Variants in CLCA1 observed in about 807,000 individuals in gnomAD.
CLCA1 encodes chloride channel accessory 1.
CLCA1 carries 59 observed loss-of-function variants against 85.6 expected under a neutral mutation model. That is an observed-to-expected ratio of 0.69 (90% CI 0.56 to 0.86). CLCA1 has a LOEUF of 0.86. Among genes scored for constraint, CLCA1 ranks in the 40% least tolerant of loss-of-function variants. The pLI is 0.00. For synonymous variants in CLCA1, 396 were observed against 398.3 expected (o/e 0.99, Z 0.07); for missense variants, 1,022 against 1,101.4 (o/e 0.93, Z 1.02).
At position 86,476,542 on chromosome 1, in the gene CLCA1, A is replaced by C. The variant is rs142663356; in HGVS notation, c.546A>C (p.Ile182=). The C allele has an allele frequency of 6.7e-4, 1,010 of 1,506,392 alleles. 3 individuals are homozygous for C. The African/African-American group carries it at 0.012, about 19-fold the overall frequency. 93.3% of individuals were successfully genotyped at this position (1,506,392 alleles called of 1,614,324 possible). A position where few individuals can be genotyped will look rare whatever the true frequency, so the allele number is the denominator to read the frequency against. ...AATTCTACTTATCCAATGGAAGAAT[A>C]CAAGCAGTAAGGTATGTATATTTTG... is the stretch of plus-strand genomic sequence containing the variant. ...DEKFYLSNGR[I]QAVRCSAGIT... The change falls in exon 4 of 14, where the codon ATA becomes ATC. Residue 182 remains isoleucine, a synonymous_variant. Transcript: ENST00000394711.
intron 3 of CLCA1, among the ~76,000 whole-genome samples, chr1:86,474,096 G>T (rs1034432606): frequency 7.2e-5 from 11 of 151,978 alleles, no homozygotes; most frequent in African/African-American, 2.7e-4. Flanking sequence ...GTATAAATAC[G>T]GTATTTTGAA....
At position 86,485,363 on chromosome 1, in the gene CLCA1, A is replaced by G. The variant is rs1647933905; in HGVS notation, c.756A>G (p.Glu252=). Residue 252 remains glutamate, a synonymous_variant, in exon 6 of 14, where the codon GAA becomes GAG. Coordinates refer to ENST00000394711, the MANE Select transcript of CLCA1 (RefSeq NM_001285.4). ...TTCAGATAGTTGAATTCTGTACAGAACAAAACCACAACAAAGAAGCTCCAA... is the reference window on the plus strand; with the variant it reads ...TTCAGATAGTTGAATTCTGTACAGAGCAAAACCACAACAAAGAAGCTCCAA... ...HVDSIVEFCT[E]QNHNKEAPNK... The G allele has an allele frequency of 6.2e-7, 1 of 1,613,788 alleles. No homozygotes were observed. The highest frequency in any genetic ancestry group is 1.7e-5 in the Admixed American group (1 of 60,000).
At chr1:86,475,693 A>AC (rs1647620515) in intron 3 of CLCA1, among the ~76,000 whole-genome samples, 1 of 152,240 alleles carries the variant, frequency 6.6e-6, no homozygotes, top group East Asian at 1.9e-4. Context: ...GGAAGGAAGT[A>AC]TTCCAAGCTA....
intron 8 of CLCA1, 70 bp downstream of exon 8, chr1:86,489,240 G>A: frequency 1.4e-6 from 2 of 1,446,474 alleles, no homozygotes; most frequent in South Asian, 1.3e-5. Flanking sequence ...GTGAACTGGG[G>A]AGTGGGGGAA....
chr1:86,478,150 C>T (rs888136521), intron 4 of CLCA1, among the ~76,000 whole-genome samples: 1 of 152,016 alleles, frequency 6.6e-6, no homozygotes, highest in Non-Finnish European at 1.5e-5. Flanking sequence ...TCAAGTGGGC[C>T]GGGCATGGTG....
At chr1:86,470,266 G>C (rs529892948) in intron 1 of CLCA1, among the ~76,000 whole-genome samples, 9 of 152,318 alleles carry the variant, frequency 5.9e-5, no homozygotes, top group Middle Eastern at 6.8e-3. Flanking sequence ...ACAGAGTGGA[G>C]GGTGTCACTC....
At chr1:86,474,567 G>C (rs78690757) in intron 3 of CLCA1, among the ~76,000 whole-genome samples, 5 of 84,810 alleles carry the variant, frequency 5.9e-5, no homozygotes, top group Non-Finnish European at 1.3e-4. Flanking sequence ...AAAAAAAAAA[G>C]GGGGGGGATT....
chr1:86,486,395 G>A, intron 6 of CLCA1, 131 bp from the exon 7 acceptor site: 1 of 731,024 alleles, frequency 1.4e-6, no homozygotes, highest in Non-Finnish European at 2.2e-6. Flanking sequence ...TTCCCCATAG[G>A]ATATGCCTCA....
At chr1:86,478,452 A>T (rs1647735211) in intron 4 of CLCA1, among the ~76,000 whole-genome samples, 1 of 151,814 alleles carries the variant, frequency 6.6e-6, no homozygotes, top group African/African-American at 2.4e-5. Context: ...AGAGAGAGAG[A>T]GACATCAAGT....
intron 7 of CLCA1, among the ~76,000 whole-genome samples, chr1:86,487,503 T>G (rs565845498): frequency 6.6e-6 from 1 of 152,310 alleles, no homozygotes; most frequent in African/African-American, 2.4e-5. Context: ...GAAGCTCATG[T>G]GGCTTCAGGG....
At chr1:86,489,870 G>A (rs1404566762) in intron 8 of CLCA1, among the ~76,000 whole-genome samples, 1 of 152,330 alleles carries the variant, frequency 6.6e-6, no homozygotes, top group East Asian at 1.9e-4. Flanking sequence ...AAATGCCAGA[G>A]CTGTTTATTC....
At chr1:86,482,609 T>C (rs1300332997) in intron 5 of CLCA1, among the ~76,000 whole-genome samples, 1 of 152,188 alleles carries the variant, frequency 6.6e-6, no homozygotes, top group Non-Finnish European at 1.5e-5. Flanking sequence ...CACTAGTTTT[T>C]AGTTCAAGTG....
chr1:86,485,323 A>C lies in CLCA1; in HGVS notation c.736-20A>C, dbSNP rs1192453812. On this transcript the variant is annotated intron_variant, in intron 5 of 13. Coordinates refer to ENST00000394711, the MANE Select transcript of CLCA1 (RefSeq NM_001285.4). The stretch of plus-strand genomic sequence containing the variant: ...CCACATAGTTTACCATTATCTATAT[A>C]ATTTCATTGACAATTTCAGATAGTT... The C allele has an allele frequency of 1.9e-6, 3 of 1,555,540 alleles. No homozygotes were observed. The highest frequency in any genetic ancestry group is 1.8e-6 in the Non-Finnish European group (2 of 1,128,106).
chr1:86,498,893 G>A, intron 13 of CLCA1, 82 bp downstream of exon 13: 1 of 1,484,986 alleles, frequency 6.7e-7, no homozygotes, highest in Non-Finnish European at 9.1e-7. Context: ...AGGCAGCCGT[G>A]TTCTGATACT....
intron 4 of CLCA1, among the ~76,000 whole-genome samples, chr1:86,478,569 C>T (rs1036946865): frequency 4.6e-5 from 7 of 152,324 alleles, no homozygotes; most frequent in East Asian, 3.9e-4. Flanking sequence ...TGCAATCATA[C>T]GTTGCTTTGA....
Position 86,475,860 on chromosome 1 carries a change from G to C in CLCA1, c.452-588G>C, listed in dbSNP as rs528462892. 6.6e-5 allele frequency among the ~76,000 whole-genome samples: 10 copies of C among 152,312 alleles called. No individual in the cohort carries two copies. The South Asian group carries it at 2.1e-3, about 32-fold the overall frequency. On this transcript the variant is annotated intron_variant, in intron 3 of 13. Transcript: ENST00000394711. Reference sequence around the variant, plus strand: ...AGAGAAGAGCAGGCCTGAGGCATCAGGGACCTTGTACACCATGTTGAGAAG... The same window carrying C: ...AGAGAAGAGCAGGCCTGAGGCATCACGGACCTTGTACACCATGTTGAGAAG...
At chr1:86,495,329 C>A (rs572826562) in intron 11 of CLCA1, among the ~76,000 whole-genome samples, 176 bp from the exon 12 acceptor site, 56 of 152,288 alleles carry the variant, frequency 3.7e-4, no homozygotes, top group Non-Finnish European at 4.4e-4. Flanking sequence ...ATACATAAAA[C>A]CACACACAGT....
chr1:86,489,756 C>A (rs996709496), intron 8 of CLCA1, among the ~76,000 whole-genome samples: 2 of 152,188 alleles, frequency 1.3e-5, no homozygotes. Flanking sequence ...CCATGTGTCA[C>A]CAGCTTCTTT....
intron 12 of CLCA1, 134 bp downstream of exon 12, chr1:86,495,809 C>G: frequency 1.2e-6 from 1 of 809,950 alleles, no homozygotes; most frequent in African/African-American, 1.7e-5. Flanking sequence ...AGATTTTGAG[C>G]CAGACAATCC....
Sources: gnomAD v4.1 joint callset for allele counts (sites outside exome capture counted in the v4.1 genomes callset) on GRCh38, gnomAD v4.1.1 for gene constraint, MANE v1.5 for transcripts, NCBI Gene and HGNC (gene_info 2026-07-23, HGNC 2026-07-21) for gene names.